ZNF140: variants seen among roughly 807,000 people sequenced by gnomAD.
The protein encoded by ZNF140 is zinc finger protein 140 (clone pHZ-39).
A neutral mutation model predicts 12.9 loss-of-function variants in ZNF140; 13 were observed. The observed-to-expected ratio is 1.01, with a 90% CI of 0.66 to 1.60. The LOEUF is 1.60. ZNF140 is among the 40% of genes most tolerant of loss of function. The pLI, the probability that ZNF140 is intolerant of heterozygous loss-of-function variation, is 0.00. For missense variants in ZNF140, 531 were observed against 548.8 expected (o/e 0.97, Z 0.32); for synonymous variants, 214 against 186.7 (o/e 1.15, Z -1.19).
At chr12:133,082,114 G>C (rs1284300572) in intron 2 of ZNF140, 3 of 152,284 alleles carry the variant, frequency 2.0e-5, no homozygotes, top group Admixed American at 1.3e-4. Flanking sequence ...GGCTTGGCTG[G>C]TAATTGTGCT....
intron 4 of ZNF140, among the ~76,000 whole-genome samples, chr12:133,095,672 CA>C (rs1242956391): frequency 4.0e-5 from 6 of 151,604 alleles, no homozygotes; most frequent in Admixed American, 6.6e-5. Flanking sequence ...ATTATTTCAG[CA>C]AAAAGGAATG....
At chr12:133,091,033 A>G (rs770646) in intron 4 of ZNF140, among the ~76,000 whole-genome samples, 67,193 of 142,184 alleles carry the variant, frequency 0.47, 16,843 homozygotes, top group East Asian at 0.79. Context: ...CCAGGGGCAG[A>G]CAGGAGACAG....
At position 133,098,507 on chromosome 12, in the gene ZNF140, T is replaced by C. The variant is rs781105912; in HGVS notation, c.233-7003T>C. The stretch of plus-strand genomic sequence containing the variant: ...CACCTGCCTTGGCCTCCCAAAGTGC[T>C]AGGATTACAGGCATGAGCCACTATG... On this transcript the variant is annotated intron_variant, in intron 4 of 4. Coordinates refer to ENST00000355557, the MANE Select transcript of ZNF140 (RefSeq NM_003440.4). Among the ~76,000 whole-genome samples the C allele has an allele frequency of 4.1e-3, 626 of 152,272 alleles. 2 individuals carry two copies. The highest frequency in any genetic ancestry group is 0.01 in the Admixed American group (158 of 15,302).
In ZNF140 at chr12:133,081,275, C is replaced by A; in HGVS notation, c.-46C>A. On this transcript the variant is annotated splice_region_variant and 5_prime_UTR_variant, in exon 2 of 5. It adds an upstream start codon to the 5' untranslated region. Coordinates refer to ENST00000355557, the MANE Select transcript of ZNF140 (RefSeq NM_003440.4). ...GGGCTCCTTTCTCTCTCTGCCAGGT[C>A]TGCCATTTTACACTTTTCTGATCTC... 6.5e-7 allele frequency: 1 copy of A among 1,538,358 alleles called. No individual in the cohort carries two copies. The highest frequency in any genetic ancestry group is 1.1e-5 in the South Asian group (1 of 88,950).
intron 4 of ZNF140, among the ~76,000 whole-genome samples, chr12:133,105,084 T>G (rs1247720460): frequency 6.6e-6 from 1 of 152,216 alleles, no homozygotes; most frequent in Non-Finnish European, 1.5e-5. Context: ...TTTAGATTAT[T>G]ATAAGATGTT....
At chr12:133,101,197 G>T in intron 4 of ZNF140, 2 of 234,034 alleles carry the variant, frequency 8.5e-6, no homozygotes, top group African/African-American at 2.3e-5. Flanking sequence ...CTCCATCTGT[G>T]GTTTGGTTTA....
intron 4 of ZNF140, among the ~76,000 whole-genome samples, chr12:133,086,717 C>T (rs1443060337): frequency 3.3e-5 from 5 of 151,352 alleles, no homozygotes; most frequent in Admixed American, 3.3e-4. Flanking sequence ...TCTTTCCCTC[C>T]TAAGAGATTA....
chr12:133,091,088 C>A (rs796105541), intron 4 of ZNF140, among the ~76,000 whole-genome samples: 3,140 of 137,072 alleles, frequency 0.023, 165 homozygotes, highest in African/African-American at 0.053. Flanking sequence ...CTCTTTTACT[C>A]ATCCATCTCA....
chr12:133,102,683 C>T (rs1462773085), intron 4 of ZNF140, among the ~76,000 whole-genome samples: 2 of 149,872 alleles, frequency 1.3e-5, no homozygotes, highest in African/African-American at 2.5e-5. Flanking sequence ...TGGGAGGCGG[C>T]GGTTGCAGTG....
chr12:133,090,222 G>A (rs1215964927), intron 4 of ZNF140, among the ~76,000 whole-genome samples: 5 of 152,102 alleles, frequency 3.3e-5, no homozygotes, highest in African/African-American at 1.2e-4. Context: ...TCACTGCAAC[G>A]TAAATTTCCT....
In ZNF140 at chr12:133,087,540, G is replaced by A. The variant is rs1389643453; in HGVS notation, c.232+3979G>A. On this transcript the variant is annotated intron_variant, in intron 4 of 4. Coordinates refer to ENST00000355557, the MANE Select transcript of ZNF140 (RefSeq NM_003440.4). ...TTGGCTAGTCAAAAAAAAAAAGCGG[G>A]AGTGGAGGAGAAACAAAGAAATCTA... 9.9e-5 allele frequency among the ~76,000 whole-genome samples: 15 copies of A among 151,478 alleles called. No homozygotes were observed. The East Asian group carries it at 2.1e-3, about 21-fold the overall frequency.
chr12:133,089,194 A>T (rs1954774170), intron 4 of ZNF140, among the ~76,000 whole-genome samples: 1 of 151,956 alleles, frequency 6.6e-6, no homozygotes, highest in African/African-American at 2.4e-5. Context: ...TTCATTTTTG[A>T]AAGTTATTAA....
rs1954477339 is a variant in ZNF140 at position 133,081,348 on chromosome 12, A to AATATATAGATAT, written c.9+26_9+27insGATATATATATA. On this transcript the variant is annotated intron_variant, in intron 2 of 4. Transcript: ENST00000355557. Reference sequence around the variant, plus strand: ...GTCTCAGGTAAGCTAATGATTGATAAATATATATATATATATATATATAAA... The same window carrying AATATATAGATAT: ...GTCTCAGGTAAGCTAATGATTGATAAATATATAGATATATATATATATATATATATATATAAA... The AATATATAGATAT allele has an allele frequency of 3.2e-6, 1 of 311,778 alleles. No homozygotes were observed. Among genetic ancestry groups the AATATATAGATAT allele is most frequent in the African/African-American group, 3.1e-5 (1 of 32,292 alleles). The allele number at this position is 311,778 out of a possible 1,614,324, so 19.3% of individuals were successfully genotyped here.
At chr12:133,090,003 C>T (rs1426502127) in intron 4 of ZNF140, among the ~76,000 whole-genome samples, 2 of 152,204 alleles carry the variant, frequency 1.3e-5, no homozygotes, top group East Asian at 1.9e-4. Context: ...GTGCACGCCA[C>T]CACGCCCAGC....
In ZNF140 at chr12:133,101,611, A is replaced by AT. The variant is rs755629346; in HGVS notation, c.233-3893dup. Among the ~76,000 whole-genome samples the AT allele has an allele frequency of 5.3e-5, 8 of 152,022 alleles. No individual in the cohort carries two copies. In the East Asian group the frequency reaches 1.2e-3, roughly 22 times the overall value. On this transcript the variant is annotated intron_variant, in intron 4 of 4. Coordinates refer to ENST00000355557, the MANE Select transcript of ZNF140 (RefSeq NM_003440.4). The stretch of plus-strand genomic sequence containing the variant: ...AGGCAGTCGCTACCACGCCCGGCTA[A>AT]TTTTTTGTATTTTTAGTAGAGACGG...
At chr12:133,086,629 G>A (rs1954685427) in intron 4 of ZNF140, among the ~76,000 whole-genome samples, 1 of 152,062 alleles carries the variant, frequency 6.6e-6, no homozygotes, top group Admixed American at 6.5e-5. Context: ...TTGATGAACA[G>A]AAATTCTTAA....
At position 133,101,484 on chromosome 12, in the gene ZNF140, A is replaced by G. The variant is rs1182992359; in HGVS notation, c.233-4026A>G. 4.2e-3 allele frequency among the ~76,000 whole-genome samples: 632 copies of G among 152,142 alleles called. 4 individuals carry two copies. The highest frequency in any genetic ancestry group is 0.014 in the African/African-American group (595 of 41,516). On this transcript the variant is annotated intron_variant, in intron 4 of 4. Transcript: ENST00000355557. ...TTTTGAGATGGAGTCTCGCTCTGTC[A>G]CCCAGGCTGGAGTGCAGTGGCGCGA... is the stretch of plus-strand genomic sequence containing the variant.
rs900766516 is a variant in ZNF140, at chr12:133,091,982, C to T, written c.232+8421C>T. The stretch of plus-strand genomic sequence containing the variant: ...AAAAAGATATTCCAGGCTCATGAGC[C>T]TATCTCCCATCCAAATGACAGTTTG... On this transcript the variant is annotated intron_variant, in intron 4 of 4. Coordinates refer to ENST00000355557, the MANE Select transcript of ZNF140 (RefSeq NM_003440.4). Among the ~76,000 whole-genome samples, 114 of 151,216 alleles carry T rather than the reference C, an allele frequency of 7.5e-4. 4 individuals are homozygous for T. Among genetic ancestry groups the T allele is most frequent in the Middle Eastern group, 6.8e-3 (2 of 292 alleles).
chr12:133,095,687 T>C (rs1017196467), intron 4 of ZNF140, among the ~76,000 whole-genome samples: 8 of 151,718 alleles, frequency 5.3e-5, no homozygotes, highest in Middle Eastern at 3.2e-3. Flanking sequence ...AGGAATGTAG[T>C]AGGAGAGCAG....
Sources: allele counts gnomAD v4.1 joint callset (sites outside exome capture counted in the v4.1 genomes callset), GRCh38; gene constraint gnomAD v4.1.1; transcripts MANE v1.5; gene names NCBI Gene and HGNC (gene_info 2026-07-23, HGNC 2026-07-21).